The following TRAPPC10 variants were observed in gnomAD, a reference collection of about 807,000 sequenced individuals.
The protein encoded by TRAPPC10 is TRAPP 130 kDa subunit.
In TRAPPC10, 23 loss-of-function variants were observed where a neutral mutation model predicts 125.5. The observed-to-expected ratio is 0.18, with a 90% confidence interval of 0.13 to 0.26. The LOEUF (loss-of-function observed/expected upper bound fraction) is 0.26, where lower values mean the gene tolerates loss of function less well. Ranked by LOEUF, TRAPPC10 falls within the 10% of genes least tolerant of loss-of-function variation. The pLI is 1.00. For synonymous variants in TRAPPC10, 509 were observed against 518.0 expected, an observed-to-expected ratio of 0.98 and a Z score of 0.24; for missense variants, 1,123 against 1,308.4, an observed-to-expected ratio of 0.86 and a Z score of 2.19.
intron 5 of TRAPPC10, among the ~76,000 whole-genome samples, chr21:44,058,838 A>G (rs1483758357): frequency 6.6e-6 from 1 of 152,208 alleles, no homozygotes. Flanking sequence ...AGCAGGAAAC[A>G]TCCCAAGGAC....
At chr21:44,046,905 C>G (rs1270472547) in intron 3 of TRAPPC10, 2 of 835,200 alleles carry the variant, frequency 2.4e-6, no homozygotes, top group African/African-American at 3.4e-5. Flanking sequence ...GTCGCGCCCA[C>G]ACGTCCATGA....
chr21:44,075,091 C>T lies in TRAPPC10; in HGVS notation c.1238C>T (p.Ser413Leu), dbSNP rs1265747357. 1.2e-6 allele frequency: 2 copies of T among 1,614,216 alleles called. No homozygotes were observed. Among genetic ancestry groups the T allele is most frequent in the Admixed American group, 3.3e-5 (2 of 60,022 alleles). ...CGLVSEKGPN[S>L]EDLNRTVDLL... ...CTTGTGTCAGAGAAAGGACCTAACT[C>T]AGAAGATCTCAACAGGACAGTTGAC... Residue 413 changes from serine to leucine, a missense_variant, in exon 9 of 23, where the codon TCA becomes TTA. This residue lies in a region of TRAPPC10 where 840 missense variants were observed against 902.0 expected (regional missense o/e 0.93). Transcript: ENST00000291574.
intron 5 of TRAPPC10, among the ~76,000 whole-genome samples, chr21:44,057,090 G>A (rs1229507637): frequency 6.6e-6 from 1 of 152,156 alleles, no homozygotes; most frequent in East Asian, 1.9e-4. Flanking sequence ...AGGGACAGAT[G>A]CTGTGTCTGC....
intron 6 of TRAPPC10, among the ~76,000 whole-genome samples, chr21:44,061,164 T>A (rs1050405196): frequency 6.6e-6 from 1 of 151,988 alleles, no homozygotes; most frequent in Non-Finnish European, 1.5e-5. Flanking sequence ...TGAGACGGAG[T>A]CTTGCTCTGT....
At chr21:44,072,468 T>G (rs1001164225) in intron 7 of TRAPPC10, among the ~76,000 whole-genome samples, 4 of 151,946 alleles carry the variant, frequency 2.6e-5, no homozygotes, top group Non-Finnish European at 1.5e-5. Context: ...TAGGAGGTGT[T>G]TGTTTGTTTG....
At chr21:44,014,886 A>G (rs2147103734) in intron 1 of TRAPPC10, among the ~76,000 whole-genome samples, 1 of 152,266 alleles carries the variant, frequency 6.6e-6, no homozygotes, top group Admixed American at 6.5e-5. Flanking sequence ...TAAAAAGCTG[A>G]CTTCATACTT....
Position 44,075,103 on chromosome 21 carries a change from A to G in TRAPPC10, c.1250A>G (p.Asn417Ser). The G allele has an allele frequency of 6.2e-7, 1 of 1,614,244 alleles. No individual in the cohort carries two copies. The highest frequency in any genetic ancestry group is 1.1e-5 in the South Asian group (1 of 91,088). The stretch of plus-strand genomic sequence containing the variant: ...AAAGGACCTAACTCAGAAGATCTCA[A>G]CAGGACAGTTGACCTTTTGGCAGGT... ...SEKGPNSEDL[N>S]RTVDLLAGLG... The change falls in exon 9 of 23, where the codon AAC becomes AGC. Residue 417 changes from asparagine (N) to serine (S), a missense_variant. Transcript: ENST00000291574.
At chr21:44,058,881 A>G (rs1250422937) in intron 5 of TRAPPC10, among the ~76,000 whole-genome samples, 1 of 151,972 alleles carries the variant, frequency 6.6e-6, no homozygotes, top group African/African-American at 2.4e-5. Flanking sequence ...GGTGCTGCCG[A>G]TAGGTCGGGG....
At chr21:44,034,932 A>C (rs999497434) in intron 2 of TRAPPC10, among the ~76,000 whole-genome samples, 5 of 152,228 alleles carry the variant, frequency 3.3e-5, no homozygotes, top group African/African-American at 1.2e-4. Context: ...GAGGGAACTA[A>C]GCCCACCCAT....
At chr21:44,012,868 GCTGCCA>G (rs2031307025) in intron 1 of TRAPPC10, among the ~76,000 whole-genome samples, 1 of 151,946 alleles carries the variant, frequency 6.6e-6, no homozygotes. Context: ...AGGAGCGGGG[GCTGCCA>G]CCGCCCCGTC....
At chr21:44,093,523 C>T (rs1162963388) in intron 19 of TRAPPC10, among the ~76,000 whole-genome samples, 3 of 151,784 alleles carry the variant, frequency 2.0e-5, no homozygotes, top group Non-Finnish European at 4.4e-5. Context: ...TTTGGGAGGC[C>T]GAGGCAGGTG....
chr21:44,052,540 C>T lies in TRAPPC10; in HGVS notation c.482+64C>T. On this transcript the variant is annotated intron_variant, in intron 4 of 22. Coordinates refer to ENST00000291574, the MANE Select transcript of TRAPPC10 (RefSeq NM_003274.5). ...TTGACATGATACAGATTGCTGGCTT[C>T]CTGGGTAGTAATAAATATTTACTCA... The T allele has an allele frequency of 3.5e-6, 5 of 1,442,512 alleles. No homozygotes were observed. In the South Asian group the frequency reaches 6.8e-5, roughly 20 times the overall value. 89.4% of individuals were successfully genotyped at this position (1,442,512 alleles called of 1,614,324 possible).
At chr21:44,072,053 G>A (rs889366221) in intron 7 of TRAPPC10, among the ~76,000 whole-genome samples, 3 of 152,226 alleles carry the variant, frequency 2.0e-5, no homozygotes, top group Admixed American at 1.3e-4. Flanking sequence ...AAAAGCTGCC[G>A]CTACCTGATG....
chr21:44,080,487 A>G (rs1199454043), intron 13 of TRAPPC10, among the ~76,000 whole-genome samples: 1 of 151,772 alleles, frequency 6.6e-6, no homozygotes, highest in East Asian at 1.9e-4. Flanking sequence ...TGGTTGTTAG[A>G]TCTCAGTTCT....
intron 3 of TRAPPC10, among the ~76,000 whole-genome samples, chr21:44,048,797 G>GTTTTTTTT (rs34892092): frequency 9.5e-6 from 1 of 105,612 alleles, no homozygotes; most frequent in Non-Finnish European, 1.9e-5. Flanking sequence ...CCCACCCTGT[G>GTTTTTTTT]TTTTTTTTTT....
intron 19 of TRAPPC10, among the ~76,000 whole-genome samples, chr21:44,092,267 A>G (rs572140064): frequency 6.6e-6 from 1 of 152,242 alleles, no homozygotes; most frequent in Non-Finnish European, 1.5e-5. Flanking sequence ...TTTTAGAAGA[A>G]TTAAATCTGA....
intron 7 of TRAPPC10, among the ~76,000 whole-genome samples, chr21:44,072,311 C>T (rs2036933069): frequency 6.6e-6 from 1 of 152,196 alleles, no homozygotes; most frequent in Admixed American, 6.5e-5. Context: ...GGCCCTCGTG[C>T]CCTGGCTGCT....
At chr21:44,023,749 C>G (rs2032788968) in intron 1 of TRAPPC10, among the ~76,000 whole-genome samples, 1 of 152,162 alleles carries the variant, frequency 6.6e-6, no homozygotes, top group Admixed American at 6.5e-5. Flanking sequence ...CTAGGAATAG[C>G]TAGGCATTTT....
intron 10 of TRAPPC10, 52 bp from the exon 11 acceptor site, chr21:44,077,641 T>A: frequency 7.6e-7 from 1 of 1,316,592 alleles, no homozygotes; most frequent in Non-Finnish European, 1.1e-6. Context: ...AATGTAGTAT[T>A]TGTCCATCAT....
Sources: allele counts gnomAD v4.1 joint callset (sites outside exome capture counted in the v4.1 genomes callset), GRCh38; gene constraint gnomAD v4.1.1; regional missense constraint gnomAD v4.1.1; transcripts MANE v1.5; gene names NCBI Gene and HGNC (gene_info 2026-07-23, HGNC 2026-07-21).